The following PCDH15 variants were observed in gnomAD, a reference collection of about 807,000 sequenced individuals.
PCDH15 encodes the protein protocadherin related 15, also known as protocadherin-15.
Under a neutral mutation model 178.5 loss-of-function variants are expected in PCDH15, and 129 were observed. The ratio of observed to expected loss-of-function variants is 0.72; its 90% CI spans 0.63 to 0.84. The LOEUF (loss-of-function observed/expected upper bound fraction) is 0.84. Ranked by LOEUF, PCDH15 falls within the 40% of genes least tolerant of loss-of-function variation. The pLI is 0.00. For missense variants in PCDH15, 2,230 were observed against 2,099.9 expected, an observed-to-expected ratio of 1.06 and a Z score of -1.21; for synonymous variants, 800 against 732.0, an observed-to-expected ratio of 1.09 and a Z score of -1.50.
intron 2 of PCDH15, among the ~76,000 whole-genome samples, chr10:55,032,810 G>C (rs1368130490): frequency 1.3e-5 from 2 of 152,134 alleles, no homozygotes; most frequent in East Asian, 3.9e-4. Context: ...CAAAGTGCCA[G>C]GGCCTTGGTG....
intron 1 of PCDH15, among the ~76,000 whole-genome samples, chr10:55,218,180 T>C (rs1840762436): frequency 6.6e-6 from 1 of 151,930 alleles, no homozygotes; most frequent in Admixed American, 6.6e-5. Flanking sequence ...CTCAGAGCAA[T>C]GAAATTTATT....
chr10:54,445,756 C>T (rs1222146884), intron 3 of PCDH15, among the ~76,000 whole-genome samples: 3 of 151,408 alleles, frequency 2.0e-5, no homozygotes, highest in African/African-American at 7.3e-5. Context: ...AGTCTTAAAA[C>T]CTATGCACCT....
chr10:54,337,110 G>GTA (rs3069762), intron 6 of PCDH15, among the ~76,000 whole-genome samples: 13,629 of 150,382 alleles, frequency 0.091, 984 homozygotes, highest in African/African-American at 0.2. Context: ...CATTTGGAAT[G>GTA]TATATATATA....
intron 2 of PCDH15, among the ~76,000 whole-genome samples, chr10:55,406,813 A>G (rs10160121): frequency 0.51 from 77,442 of 151,966 alleles, 21,123 homozygotes; most frequent in African/African-American, 0.66. Context: ...TAACTGAGAA[A>G]TACCTAGGAC....
At chr10:53,978,738 G>A (rs1013181935) in intron 21 of PCDH15, among the ~76,000 whole-genome samples, 2 of 143,054 alleles carry the variant, frequency 1.4e-5, no homozygotes. Flanking sequence ...TGAACACTTT[G>A]CTACTTAGAA....
At chr10:55,492,621 A>G (rs112127746) in intron 2 of PCDH15, among the ~76,000 whole-genome samples, 15 of 151,760 alleles carry the variant, frequency 9.9e-5, no homozygotes, top group Non-Finnish European at 1.6e-4. Context: ...TAATGACTCA[A>G]TGTAAGACCT....
chr10:55,180,066 G>C lies in PCDH15; in HGVS notation c.-155-13415C>G, dbSNP rs150929431. 6.6e-3 allele frequency among the ~76,000 whole-genome samples: 1,005 copies of C among 152,116 alleles called. 8 individuals are homozygous for C. The highest frequency in any genetic ancestry group is 0.011 in the Non-Finnish European group (727 of 67,980). On this transcript the variant is annotated intron_variant, in intron 1 of 5. Transcript: ENST00000458638. ...TCAAGCAGAATGGGAAAACTCACCA[G>C]AACATTCTGGAAAGCTGAGAAGATT...
intron 16 of PCDH15, among the ~76,000 whole-genome samples, chr10:54,081,862 T>C (rs1486555101): frequency 1.3e-5 from 2 of 152,050 alleles, no homozygotes; most frequent in Non-Finnish European, 2.9e-5. Flanking sequence ...CCCCAAGAGA[T>C]GGTCTCGCCA....
chr10:53,864,541 G>A (rs1336767558), intron 27 of PCDH15, among the ~76,000 whole-genome samples: 1 of 152,122 alleles, frequency 6.6e-6, no homozygotes, highest in African/African-American at 2.4e-5. Flanking sequence ...ATTCAGCTCA[G>A]CCTTTAGCCT....
intron 2 of PCDH15, among the ~76,000 whole-genome samples, chr10:55,612,954 C>T (rs923365883): frequency 2.4e-4 from 37 of 151,812 alleles, no homozygotes; most frequent in African/African-American, 8.7e-4. Context: ...TCAATCTACC[C>T]TATAAGGATA....
intron 37 of PCDH15, chr10:53,809,116 G>C (rs183631592): frequency 1.2e-6 from 2 of 1,613,788 alleles, no homozygotes; most frequent in Non-Finnish European, 1.7e-6. Flanking sequence ...TGTGGATTCC[G>C]ATTCTTCTGA....
intron 2 of PCDH15, among the ~76,000 whole-genome samples, chr10:55,422,453 T>C (rs953576036): frequency 2.6e-5 from 4 of 151,916 alleles, no homozygotes; most frequent in African/African-American, 9.7e-5. Context: ...ATATGGTATG[T>C]CATATGGAAC....
At chr10:54,719,068 G>C (rs2095514656) in intron 1 of PCDH15, among the ~76,000 whole-genome samples, 1 of 150,886 alleles carries the variant, frequency 6.6e-6, no homozygotes, top group Admixed American at 6.6e-5. Context: ...TAAAAATATT[G>C]ATTTTAAAGA....
At chr10:55,414,597 C>T (rs1204507004) in intron 2 of PCDH15, among the ~76,000 whole-genome samples, 6 of 151,550 alleles carry the variant, frequency 4.0e-5, no homozygotes, top group Non-Finnish European at 5.9e-5. Flanking sequence ...ATGTTTCATT[C>T]CCTTTGTTAA....
chr10:54,102,904 C>G (rs1338387564), intron 15 of PCDH15, among the ~76,000 whole-genome samples: 5 of 152,142 alleles, frequency 3.3e-5, no homozygotes, highest in Non-Finnish European at 1.5e-5. Context: ...TTTGGGTCCC[C>G]AAGAATCAAC....
chr10:54,811,627 C>T (rs934723349), intron 3 of PCDH15, among the ~76,000 whole-genome samples: 8 of 151,992 alleles, frequency 5.3e-5, no homozygotes, highest in Non-Finnish European at 8.8e-5. Flanking sequence ...TGCGCCACGA[C>T]GCCCCGCAAT....
intron 2 of PCDH15, among the ~76,000 whole-genome samples, chr10:54,920,485 A>T (rs1837459221): frequency 6.6e-6 from 1 of 151,504 alleles, no homozygotes; most frequent in East Asian, 1.9e-4. Context: ...AAAAAAAAAA[A>T]AAAAAAAAAA....
rs184572053 is a variant in PCDH15 at position 54,078,772 on chromosome 10, G to A, written c.2091+559C>T. ...TCTAACAATTTTTTTTTTTTAAAGT[G>A]AGTTTTAGGTCCAAAGGAAATAGAA... is the stretch of plus-strand genomic sequence containing the variant. On this transcript the variant is annotated intron_variant, in intron 17 of 37. Transcript: ENST00000644397. 6.9e-3 allele frequency among the ~76,000 whole-genome samples: 1,039 copies of A among 150,784 alleles called. 9 individuals carry two copies. Among genetic ancestry groups the A allele is most frequent in the African/African-American group, 0.024 (991 of 41,036 alleles).
intron 2 of PCDH15, among the ~76,000 whole-genome samples, chr10:55,001,063 TCTC>T (rs1839784503): frequency 1.3e-5 from 2 of 151,844 alleles, no homozygotes; most frequent in Non-Finnish European, 2.9e-5. Flanking sequence ...CTATGCAACT[TCTC>T]CTCTCCTCTC....
Sources: gnomAD v4.1 joint callset for allele counts (sites outside exome capture counted in the v4.1 genomes callset) on GRCh38, gnomAD v4.1.1 for gene constraint, MANE v1.5 for transcripts, NCBI Gene and HGNC (gene_info 2026-07-23, HGNC 2026-07-21) for gene names.